The following CACHD1 variants were observed in gnomAD, a reference collection of about 807,000 sequenced individuals.
The protein encoded by CACHD1 is VWFA and cache domain-containing protein 1.
Under a neutral mutation model 138.7 loss-of-function variants are expected in CACHD1, and 71 were observed. The ratio of observed to expected loss-of-function variants is 0.51; its 90% CI spans 0.42 to 0.62. The LOEUF (loss-of-function observed/expected upper bound fraction) is 0.62. Among genes scored for constraint, CACHD1 ranks in the 20% least tolerant of loss-of-function variants. The pLI is 0.00. For synonymous variants in CACHD1, 578 were observed against 591.5 expected, an observed-to-expected ratio of 0.98 and a Z score of 0.33; for missense variants, 1,389 against 1,625.3, an observed-to-expected ratio of 0.85 and a Z score of 2.50.
At chr1:64,667,299 T>A (rs941290376) in intron 16 of CACHD1, among the ~76,000 whole-genome samples, 1 of 152,214 alleles carries the variant, frequency 6.6e-6, no homozygotes, top group Admixed American at 6.5e-5. Context: ...TTTTCACTGG[T>A]GCTCATTGTG....
At chr1:64,541,392 TC>T (rs1646675878) in intron 1 of CACHD1, among the ~76,000 whole-genome samples, 1 of 146,768 alleles carries the variant, frequency 6.8e-6, no homozygotes, top group Non-Finnish European at 1.5e-5. Context: ...CAGATTTTTT[TC>T]CCTTCTTTAT....
intron 1 of CACHD1, among the ~76,000 whole-genome samples, chr1:64,538,153 C>T (rs1212372264): frequency 2.0e-5 from 3 of 152,050 alleles, no homozygotes; most frequent in South Asian, 2.1e-4. Flanking sequence ...GCCTGAAAAA[C>T]GATATAGTCA....
intron 1 of CACHD1, among the ~76,000 whole-genome samples, chr1:64,496,238 C>T (rs1057511981): frequency 6.6e-6 from 1 of 152,088 alleles, no homozygotes; most frequent in East Asian, 1.9e-4. Context: ...GCAAAATTGC[C>T]CCACCTCAGT....
chr1:64,660,846 T>C (rs574448329), intron 13 of CACHD1, among the ~76,000 whole-genome samples: 2 of 152,318 alleles, frequency 1.3e-5, no homozygotes, highest in East Asian at 3.9e-4. Context: ...TTTCTTAATG[T>C]GGCTACTGGA....
intron 1 of CACHD1, among the ~76,000 whole-genome samples, chr1:64,519,801 T>C (rs1646485183): frequency 6.8e-6 from 1 of 146,870 alleles, no homozygotes; most frequent in Non-Finnish European, 1.5e-5. Context: ...TAAGCTGATC[T>C]AAGCCAGTTC....
In CACHD1 at chr1:64,678,247, A is replaced by T; in HGVS notation, c.3181A>T (p.Lys1061Ter). The change falls in exon 23 of 27, where the codon AAA becomes TAA. Residue 1061 changes from lysine to a stop codon, truncating the protein, a stop_gained. Coordinates refer to ENST00000651257, the MANE Select transcript of CACHD1 (RefSeq NM_020925.4). LOFTEE classifies it high-confidence loss of function. ...GGACAAACCCTACTGTGCCCCCCAG[A>T]AAGAATGCTTCGGGGGGATTGTGGG... Reference protein sequence around the residue: ...HLDKPYCAPQKECFGGIVGAK... With the variant: ...HLDKPYCAPQ 6.2e-7 allele frequency: 1 copy of T among 1,611,284 alleles called. No homozygotes were observed.
intron 1 of CACHD1, among the ~76,000 whole-genome samples, chr1:64,519,055 T>C (rs1301147972): frequency 2.0e-5 from 3 of 152,198 alleles, no homozygotes; most frequent in Admixed American, 6.5e-5. Flanking sequence ...ATTTTAGAGA[T>C]AGGTACCATT....
intron 12 of CACHD1, 133 bp downstream of exon 12, chr1:64,654,936 A>G: frequency 1.5e-6 from 1 of 662,174 alleles, no homozygotes. Flanking sequence ...CAGTTTTTAA[A>G]GTGATTGGGA....
intron 9 of CACHD1, 73 bp downstream of exon 9, chr1:64,648,107 A>G: frequency 1.7e-6 from 2 of 1,158,202 alleles, no homozygotes; most frequent in East Asian, 2.5e-5. Flanking sequence ...CCTCTTTCTC[A>G]GGATCATAGG....
At chr1:64,609,717 A>G (rs1570414018) in intron 4 of CACHD1, among the ~76,000 whole-genome samples, 1 of 152,346 alleles carries the variant, frequency 6.6e-6, no homozygotes, top group African/African-American at 2.4e-5. Context: ...CTCATACTAC[A>G]TATCATAATG....
chr1:64,672,384 TC>T (rs771467148), intron 17 of CACHD1, among the ~76,000 whole-genome samples: 3 of 152,172 alleles, frequency 2.0e-5, no homozygotes, highest in Non-Finnish European at 4.4e-5. Flanking sequence ...AATATAGTAG[TC>T]CCCCTCTTAT....
intron 17 of CACHD1, among the ~76,000 whole-genome samples, chr1:64,672,872 A>G (rs146525835): frequency 6.6e-6 from 1 of 152,292 alleles, no homozygotes; most frequent in Non-Finnish European, 1.5e-5. Flanking sequence ...GTCTGAGTCC[A>G]TCTTACTCGG....
intron 13 of CACHD1, among the ~76,000 whole-genome samples, chr1:64,663,408 G>A (rs184430812): frequency 7.3e-5 from 11 of 151,572 alleles, no homozygotes; most frequent in East Asian, 1.9e-4. Flanking sequence ...AAAATAAGCC[G>A]GGCGTGGTGG....
At chr1:64,669,354 T>C (rs1441647464) in intron 16 of CACHD1, among the ~76,000 whole-genome samples, 1 of 152,224 alleles carries the variant, frequency 6.6e-6, no homozygotes, top group Non-Finnish European at 1.5e-5. Context: ...TCTGACATTT[T>C]AGCAGGTCAG....
chr1:64,676,598 G>T (rs919585167), intron 21 of CACHD1, among the ~76,000 whole-genome samples: 2 of 152,052 alleles, frequency 1.3e-5, no homozygotes, highest in African/African-American at 2.4e-5. Context: ...TACCTCCCTC[G>T]TAGCTGGGAC....
chr1:64,645,286 A>G (rs1221080584), intron 8 of CACHD1, among the ~76,000 whole-genome samples: 1 of 152,166 alleles, frequency 6.6e-6, no homozygotes, highest in Non-Finnish European at 1.5e-5. Context: ...ACTGTAGTCA[A>G]TAGTAATTTA....
At chr1:64,507,345 A>T (rs1646385327) in intron 1 of CACHD1, among the ~76,000 whole-genome samples, 2 of 152,224 alleles carry the variant, frequency 1.3e-5, no homozygotes, top group South Asian at 4.1e-4. Flanking sequence ...GGGGCCAGGG[A>T]CTGCCCTACC....
intron 2 of CACHD1, among the ~76,000 whole-genome samples, chr1:64,570,874 G>C (rs993636794): frequency 6.6e-6 from 1 of 151,854 alleles, no homozygotes; most frequent in Non-Finnish European, 1.5e-5. Flanking sequence ...GGGCGGGCGG[G>C]GGTGAGGGTG....
intron 1 of CACHD1, among the ~76,000 whole-genome samples, chr1:64,528,333 G>T (rs1557476979): frequency 6.6e-6 from 1 of 152,164 alleles, no homozygotes; most frequent in Non-Finnish European, 1.5e-5. Flanking sequence ...TTAATGTGCT[G>T]CAAAGCATCC....
Sources: gnomAD v4.1 joint callset for allele counts (sites outside exome capture counted in the v4.1 genomes callset) on GRCh38, gnomAD v4.1.1 for gene constraint, MANE v1.5 for transcripts, NCBI Gene and HGNC (gene_info 2026-07-23, HGNC 2026-07-21) for gene names.